Variants in ADCY2 observed in about 807,000 individuals in gnomAD.
The protein encoded by ADCY2 is adenylate cyclase 2, also known as adenylate cyclase type 2.
ADCY2 carries 31 observed loss-of-function variants against 125.2 expected under a neutral mutation model. The ratio of observed to expected loss-of-function variants is 0.25; its 90% CI spans 0.19 to 0.33. The LOEUF (loss-of-function observed/expected upper bound fraction) is 0.33, where lower values mean the gene tolerates loss of function less well. ADCY2 is among the 10% of genes least tolerant of loss of function. The pLI, the probability that ADCY2 is intolerant of heterozygous loss-of-function variation, is 1.00. For synonymous variants in ADCY2, 512 were observed against 548.4 expected, an observed-to-expected ratio of 0.93 and a Z score of 0.93; for missense variants, 904 against 1,418.2, an observed-to-expected ratio of 0.64 and a Z score of 5.82.
At chr5:7,606,133 G>A (rs896846576) in intron 3 of ADCY2, among the ~76,000 whole-genome samples, 1 of 152,008 alleles carries the variant, frequency 6.6e-6, no homozygotes, top group Non-Finnish European at 1.5e-5. Flanking sequence ...TGCGTATATG[G>A]TAATGCTCTC....
At chr5:7,445,041 C>T (rs1374907781) in intron 2 of ADCY2, among the ~76,000 whole-genome samples, 1 of 151,964 alleles carries the variant, frequency 6.6e-6, no homozygotes, top group African/African-American at 2.4e-5. Context: ...CAGTTTTTAC[C>T]TTGTCTTTTG....
intron 11 of ADCY2, among the ~76,000 whole-genome samples, chr5:7,713,204 A>G (rs1460191800): frequency 6.6e-6 from 1 of 152,158 alleles, no homozygotes; most frequent in Non-Finnish European, 1.5e-5. Context: ...TAAAATGGGT[A>G]TGTTGCTTAC....
chr5:7,826,626 C>T (rs1745487579), intron 24 of ADCY2, 93 bp from the exon 25 acceptor site: 2 of 1,531,580 alleles, frequency 1.3e-6, no homozygotes, highest in Non-Finnish European at 1.8e-6. Flanking sequence ...GGTCAAAGAG[C>T]ATGGTGCTTT....
At chr5:7,803,961 CAT>C (rs145992099) in intron 21 of ADCY2, among the ~76,000 whole-genome samples, 4,143 of 147,832 alleles carry the variant, frequency 0.028, 203 homozygotes, top group African/African-American at 0.096. Context: ...CACACACACA[CAT>C]GTATATCGTA....
rs1739050770 is a variant in ADCY2 at position 7,396,566 on chromosome 5, C to G, written c.210+60C>G. On this transcript the variant is annotated intron_variant, in intron 1 of 24. Transcript: ENST00000338316. This position sits in a 1 kb window ranked among gnomAD's most constrained non-coding sequence, Gnocchi z 5.7. ...TTCCCCGGCCCTGAGAGGAGCCCGG[C>G]CAGCCGAGCCGCGTCCCGCTCCGGG... is the stretch of plus-strand genomic sequence containing the variant. 7.0e-7 allele frequency: 1 copy of G among 1,427,342 alleles called. No individual in the cohort carries two copies. Among genetic ancestry groups the G allele is most frequent in the Admixed American group, 2.5e-5 (1 of 39,982 alleles). The allele number at this position is 1,427,342 out of a possible 1,614,324, so 88.4% of individuals were successfully genotyped here.
Position 7,816,912 on chromosome 5 carries a change from C to T in ADCY2, c.2930C>T (p.Ala977Val), listed in dbSNP as rs1745131609. Residue 977 changes from alanine (A) to valine (V), a missense_variant, in exon 23 of 25, where the codon GCT (alanine) becomes GTT (valine). Physicochemically the swap from Ala to Val is moderately conservative, Grantham distance 64. Transcript: ENST00000338316. ...YMHIGTMVEF[A>V]FALVGKLDAI... The stretch of plus-strand genomic sequence containing the variant: ...CACATTGGCACCATGGTGGAGTTTG[C>T]TTTTGCCCTGGTAGGGAAGCTGGAT... The T allele has an allele frequency of 6.2e-7, 1 of 1,614,030 alleles. No individual in the cohort carries two copies. The highest frequency in any genetic ancestry group is 8.5e-7 in the Non-Finnish European group (1 of 1,180,034).
intron 4 of ADCY2, among the ~76,000 whole-genome samples, chr5:7,652,148 T>G (rs1739118825): frequency 6.6e-6 from 1 of 152,188 alleles, no homozygotes; most frequent in Admixed American, 6.5e-5. Flanking sequence ...GTTCCAGCCC[T>G]GAGCAGGAGA....
At chr5:7,487,314 A>G (rs1742971930) in intron 2 of ADCY2, among the ~76,000 whole-genome samples, 1 of 152,134 alleles carries the variant, frequency 6.6e-6, no homozygotes, top group Admixed American at 6.5e-5. Context: ...CTTCTCTGAA[A>G]TGACCCCCAC....
chr5:7,573,673 G>A (rs552173810), intron 3 of ADCY2, among the ~76,000 whole-genome samples: 19 of 145,018 alleles, frequency 1.3e-4, no homozygotes, highest in Non-Finnish European at 2.8e-4. Flanking sequence ...AGCTTCCACA[G>A]CGTGGAAGGG....
At chr5:7,818,353 CTTTTTTT>C (rs574092399) in intron 23 of ADCY2, among the ~76,000 whole-genome samples, 2 of 141,160 alleles carry the variant, frequency 1.4e-5, no homozygotes, top group East Asian at 4.1e-4. Flanking sequence ...TTTTCTTTTT[CTTTTTTT>C]TTTTTTTCTT....
intron 2 of ADCY2, among the ~76,000 whole-genome samples, chr5:7,446,886 A>G (rs184889781): frequency 9.8e-5 from 15 of 152,304 alleles, no homozygotes; most frequent in Non-Finnish European, 1.0e-4. Flanking sequence ...CTCTTCTACA[A>G]TGTTCTTCTA....
chr5:7,647,355 A>C (rs1738934833), intron 4 of ADCY2, among the ~76,000 whole-genome samples: 1 of 152,172 alleles, frequency 6.6e-6, no homozygotes, highest in Admixed American at 6.5e-5. Flanking sequence ...CAGGCCACGT[A>C]AGCAATGATA....
chr5:7,599,666 C>T (rs73048200), intron 3 of ADCY2, among the ~76,000 whole-genome samples: 2,190 of 152,208 alleles, frequency 0.014, 51 homozygotes, highest in African/African-American at 0.05. Context: ...GGAGCCAACA[C>T]AGTCACTTAG....
chr5:7,512,262 A>T (rs1438414166), intron 2 of ADCY2, among the ~76,000 whole-genome samples: 1 of 149,518 alleles, frequency 6.7e-6, no homozygotes, highest in Non-Finnish European at 1.5e-5. Context: ...GAGGGCTATA[A>T]ACAGAGGAGG....
At chr5:7,654,688 A>T (rs80151889) in intron 4 of ADCY2, among the ~76,000 whole-genome samples, 4,574 of 152,144 alleles carry the variant, frequency 0.03, 238 homozygotes, top group African/African-American at 0.1. Flanking sequence ...GTCTCCAAAC[A>T]CCCCACCTTC....
chr5:7,656,163 T>C (rs1311579171), intron 4 of ADCY2, among the ~76,000 whole-genome samples: 1 of 151,854 alleles, frequency 6.6e-6, no homozygotes, highest in Admixed American at 6.6e-5. Context: ...CAAGCGATTA[T>C]CCTGCCTCAG....
At chr5:7,639,594 C>T (rs1037291276) in intron 4 of ADCY2, among the ~76,000 whole-genome samples, 4 of 152,192 alleles carry the variant, frequency 2.6e-5, no homozygotes, top group African/African-American at 9.7e-5. Context: ...CATCTCCATT[C>T]GTAAATCTCT....
rs192060651 is a variant in ADCY2, at chr5:7,537,537, C to T, written c.570+16638C>T. 1.1e-4 allele frequency among the ~76,000 whole-genome samples: 16 copies of T among 152,300 alleles called. No individual in the cohort carries two copies. The East Asian group carries it at 2.9e-3, about 28-fold the overall frequency. ...TAGGCACCAGATTCTGTTTATTGCA[C>T]ATTCTTTGCTGTCCTCCCAAGTCAC... On this transcript the variant is annotated intron_variant, in intron 3 of 24. Coordinates refer to ENST00000338316, the MANE Select transcript of ADCY2 (RefSeq NM_020546.3).
intron 7 of ADCY2, among the ~76,000 whole-genome samples, chr5:7,702,845 CA>C (rs1163212128): frequency 2.6e-5 from 4 of 152,190 alleles, no homozygotes; most frequent in African/African-American, 9.7e-5. Flanking sequence ...GTCCCACCAA[CA>C]GTGTAAAAGT....
Sources: allele counts gnomAD v4.1 joint callset (sites outside exome capture counted in the v4.1 genomes callset), GRCh38; gene constraint gnomAD v4.1.1; non-coding constraint Gnocchi (gnomAD v3.1); transcripts MANE v1.5; gene names NCBI Gene and HGNC (gene_info 2026-07-23, HGNC 2026-07-21).